Variants in NFIB observed in about 807,000 individuals in gnomAD.
NFIB encodes nuclear factor 1 B-type.
NFIB carries 11 observed loss-of-function variants against 61.5 expected under a neutral mutation model. That is an observed-to-expected ratio of 0.18 (90% CI 0.11 to 0.30). NFIB has a LOEUF of 0.30. Among genes scored for constraint, NFIB ranks in the 10% least tolerant of loss-of-function variants. NFIB has a pLI of 1.00. For synonymous variants in NFIB, 260 were observed against 216.5 expected, an observed-to-expected ratio of 1.20 and a Z score of -1.76; for missense variants, 471 against 608.9, an observed-to-expected ratio of 0.77 and a Z score of 2.38.
chr9:14,205,787 GA>G, intron 2 of NFIB, among the ~76,000 whole-genome samples: 1 of 152,126 alleles, frequency 6.6e-6, no homozygotes, highest in East Asian at 1.9e-4. Flanking sequence ...ATTCTAGCTT[GA>G]ATTATATGTC....
chr9:14,116,460 C>G, intron 8 of NFIB, 114 bp from the exon 9 acceptor site: 1 of 1,090,104 alleles, frequency 9.2e-7, no homozygotes. Context: ...GCATAGGCGC[C>G]ACACAGGCCC....
At chr9:14,211,539 A>G (rs181916985) in intron 2 of NFIB, among the ~76,000 whole-genome samples, 6 of 152,378 alleles carry the variant, frequency 3.9e-5, no homozygotes, top group Admixed American at 3.9e-4. Flanking sequence ...CCTTAAAAAA[A>G]TACTAGTATA....
rs148412867 is a variant in NFIB at position 14,117,031 on chromosome 9, G to T, written c.1246-685C>A. 1.1e-3 allele frequency among the ~76,000 whole-genome samples: 174 copies of T among 152,310 alleles called. 1 individual carries two copies. The highest frequency in any genetic ancestry group is 2.4e-3 in the Non-Finnish European group (163 of 68,018). ...AAGATGTAAAGCATCTAAAATTTCA[G>T]AGGTCATACAATGATATAAAATGCT... On this transcript the variant is annotated intron_variant, in intron 8 of 10. Coordinates refer to ENST00000380953, the MANE Select transcript of NFIB (RefSeq NM_001190737.2).
At chr9:14,243,711 G>C (rs527501026) in intron 2 of NFIB, among the ~76,000 whole-genome samples, 1 of 151,670 alleles carries the variant, frequency 6.6e-6, no homozygotes, top group African/African-American at 2.4e-5. Context: ...GTAAAAGTTC[G>C]TCCTAAGAAA....
intron 2 of NFIB, among the ~76,000 whole-genome samples, chr9:14,220,710 T>G (rs1225349015): frequency 1.3e-5 from 2 of 152,032 alleles, no homozygotes; most frequent in Admixed American, 1.3e-4. Flanking sequence ...GCCCTCTCCC[T>G]TATTTCCCAT....
At chr9:14,415,846 C>T in the NFIB span, among the ~76,000 whole-genome samples, 1 of 152,168 alleles carries the variant, frequency 6.6e-6, no homozygotes, top group South Asian at 2.1e-4. Flanking sequence ...AGGCCTAATT[C>T]AGCCATCTTT....
intron 1 of NFIB, among the ~76,000 whole-genome samples, chr9:14,391,119 T>C (rs916174646): frequency 2.0e-5 from 3 of 152,220 alleles, no homozygotes; most frequent in East Asian, 3.8e-4. Flanking sequence ...AGACATTTTC[T>C]TTTAAAGAGT....
intron 2 of NFIB, among the ~76,000 whole-genome samples, chr9:14,208,015 T>A (rs1009778991): frequency 2.6e-5 from 4 of 152,220 alleles, no homozygotes; most frequent in Non-Finnish European, 4.4e-5. Context: ...TGCCTCAGCA[T>A]GATGACTTGA....
At chr9:14,368,402 A>G (rs2061325493) in intron 1 of NFIB, among the ~76,000 whole-genome samples, 1 of 152,226 alleles carries the variant, frequency 6.6e-6, no homozygotes, top group Non-Finnish European at 1.5e-5. Flanking sequence ...TTGTTTACTT[A>G]CTAATAAATA....
the NFIB span, among the ~76,000 whole-genome samples, chr9:14,508,953 C>T: frequency 6.6e-6 from 1 of 152,166 alleles, no homozygotes; most frequent in Non-Finnish European, 1.5e-5. Context: ...TGGGTTGATA[C>T]TCAGTATATC....
intron 2 of NFIB, among the ~76,000 whole-genome samples, chr9:14,186,492 G>A (rs960545371): frequency 3.3e-5 from 5 of 152,166 alleles, no homozygotes; most frequent in Middle Eastern, 3.4e-3. Context: ...GAAACAAGAC[G>A]TAACAGGTAA....
intron 2 of NFIB, among the ~76,000 whole-genome samples, chr9:14,282,455 A>G (rs921115812): frequency 2.0e-5 from 3 of 152,244 alleles, no homozygotes; most frequent in Non-Finnish European, 4.4e-5. Context: ...GAAAATTAAA[A>G]TAATGTTATA....
chr9:14,178,111 C>T (rs1021472947), intron 3 of NFIB, among the ~76,000 whole-genome samples: 1 of 152,088 alleles, frequency 6.6e-6, no homozygotes, highest in African/African-American at 2.4e-5. Flanking sequence ...TCTTTTTCTA[C>T]CAAAGGTTCC....
chr9:14,289,750 T>C (rs2058969528), intron 2 of NFIB, among the ~76,000 whole-genome samples: 1 of 152,084 alleles, frequency 6.6e-6, no homozygotes, highest in East Asian at 1.9e-4. Context: ...ATGTGTCATT[T>C]TTAATGAATA....
At chr9:14,471,684 A>G in the NFIB span, among the ~76,000 whole-genome samples, 1 of 152,200 alleles carries the variant, frequency 6.6e-6, no homozygotes, top group Non-Finnish European at 1.5e-5. Flanking sequence ...TTTGCCACGT[A>G]AGTCACCATC....
the NFIB span, among the ~76,000 whole-genome samples, chr9:14,447,717 G>A: frequency 6.6e-6 from 1 of 152,076 alleles, no homozygotes; most frequent in Non-Finnish European, 1.5e-5. Context: ...AATTCTTTGG[G>A]ATACAGGCAT....
chr9:14,136,514 A>G (rs2041063346), intron 6 of NFIB, among the ~76,000 whole-genome samples: 1 of 152,194 alleles, frequency 6.6e-6, no homozygotes, highest in African/African-American at 2.4e-5. Context: ...TAACAAGATT[A>G]CAGATGAGTT....
chr9:14,273,713 TCATA>T (rs1371302222), intron 2 of NFIB, among the ~76,000 whole-genome samples: 2 of 152,192 alleles, frequency 1.3e-5, no homozygotes, highest in South Asian at 2.1e-4. Flanking sequence ...AGTTTCCAGA[TCATA>T]CACAGTACAG....
chr9:14,256,110 G>C (rs552938722), intron 2 of NFIB, among the ~76,000 whole-genome samples: 2 of 152,138 alleles, frequency 1.3e-5, no homozygotes, highest in Admixed American at 6.5e-5. Flanking sequence ...TGCAGCTTCT[G>C]TTTTACCAAA....
Sources: gnomAD v4.1 joint callset for allele counts (sites outside exome capture counted in the v4.1 genomes callset) on GRCh38, gnomAD v4.1.1 for gene constraint, MANE v1.5 for transcripts, NCBI Gene and HGNC (gene_info 2026-07-23, HGNC 2026-07-21) for gene names.